RP1: variants seen among roughly 807,000 people sequenced by gnomAD.
RP1 encodes the protein oxygen-regulated protein 1.
Under a neutral mutation model 14.8 loss-of-function variants are expected in RP1, and 16 were observed. That is an observed-to-expected ratio of 1.08 (90% CI 0.73 to 1.65). The LOEUF (loss-of-function observed/expected upper bound fraction) is 1.65, where lower values mean the gene tolerates loss of function less well. RP1 is among the 40% of genes most tolerant of loss of function. RP1 has a pLI of 0.00. For missense variants in RP1, 2,631 were observed against 2,535.0 expected (o/e 1.04, Z -0.81); for synonymous variants, 876 against 883.6 (o/e 0.99, Z 0.15).
intron 19 of RP1, chr8:54,739,090 C>A: frequency 8.3e-7 from 1 of 1,208,864 alleles, no homozygotes; most frequent in Non-Finnish European, 1.2e-6. Flanking sequence ...AGCAAGCTGG[C>A]TATGTAAAGC....
At chr8:54,649,023 C>T (rs1446174971) in exon 4 of RP1, 1 of 1,524,798 alleles carries the variant, frequency 6.6e-7, no homozygotes. Context: ...CAGTGACTTG[C>T]CAGATGCAGG....
Position 54,625,923 on chromosome 8 carries a change from A to G in RP1, c.2041A>G (p.Ile681Val), listed in dbSNP as rs756630298. The G allele has an allele frequency of 9.3e-6, 15 of 1,614,002 alleles. No homozygotes were observed. The highest frequency in any genetic ancestry group is 1.7e-4 in the Middle Eastern group (1 of 6,054). Reference sequence around the variant, plus strand: ...GAAGAAAAAATCTCGACAGCAAGCAATAAATTCCAGGTATCAAGATGGACA... The same window carrying G: ...GAAGAAAAAATCTCGACAGCAAGCAGTAAATTCCAGGTATCAAGATGGACA... ...KKKKKSRQQA[I>V]NSRYQDGQLA... Residue 681 changes from isoleucine (I) to valine (V), a missense_variant, in exon 4 of 4, where the codon ATA becomes GTA. Coordinates refer to ENST00000220676, the MANE Select transcript of RP1 (RefSeq NM_006269.2).
chr8:54,869,813 A>T, intron 28 of RP1: 1 of 987,612 alleles, frequency 1.0e-6, no homozygotes, highest in East Asian at 3.3e-5. Context: ...GCTCTCTCAT[A>T]TTAATTATCT....
At chr8:54,559,743 G>T (rs1804244099) in intron 1 of RP1, among the ~76,000 whole-genome samples, 1 of 152,166 alleles carries the variant, frequency 6.6e-6, no homozygotes, top group Non-Finnish European at 1.5e-5. Flanking sequence ...TTCCGGAGGA[G>T]AGTGGGTCAC....
At chr8:54,845,577 T>C (rs1396683406) in intron 25 of RP1, among the ~76,000 whole-genome samples, 3 of 152,206 alleles carry the variant, frequency 2.0e-5, no homozygotes, top group Non-Finnish European at 2.9e-5. Flanking sequence ...CATTGCCTGA[T>C]ACAGCACTGA....
intron 19 of RP1, among the ~76,000 whole-genome samples, chr8:54,751,322 A>G (rs1245804063): frequency 6.6e-6 from 1 of 152,160 alleles, no homozygotes; most frequent in African/African-American, 2.4e-5. Context: ...TGAAGATGAG[A>G]GGTCCTCTTG....
intron 1 of RP1, among the ~76,000 whole-genome samples, chr8:54,604,498 T>C (rs1805376986): frequency 6.6e-6 from 1 of 152,218 alleles, no homozygotes; most frequent in Non-Finnish European, 1.5e-5. Flanking sequence ...TCTAAAATTC[T>C]CTTTTTTTGT....
At chr8:54,568,377 T>C (rs996506497) in intron 1 of RP1, among the ~76,000 whole-genome samples, 20 of 152,194 alleles carry the variant, frequency 1.3e-4, no homozygotes, top group African/African-American at 4.3e-4. Context: ...AAAATAATGT[T>C]TGTTGAATTG....
At chr8:54,700,955 T>G (rs1227821665) in intron 13 of RP1, among the ~76,000 whole-genome samples, 2 of 152,196 alleles carry the variant, frequency 1.3e-5, no homozygotes, top group Non-Finnish European at 2.9e-5. Context: ...GATCTAGCCA[T>G]TCAAGAGGCA....
chr8:54,603,045 G>T (rs1805331203), intron 1 of RP1, among the ~76,000 whole-genome samples: 2 of 152,146 alleles, frequency 1.3e-5, no homozygotes, highest in African/African-American at 4.8e-5. Context: ...AGTTTAATTA[G>T]ATCCCATTTG....
intron 1 of RP1, among the ~76,000 whole-genome samples, chr8:54,602,106 T>C (rs1805305758): frequency 6.6e-6 from 1 of 152,246 alleles, no homozygotes; most frequent in African/African-American, 2.4e-5. Context: ...TACATATGTA[T>C]ACATGTGCCA....
intron 25 of RP1, among the ~76,000 whole-genome samples, chr8:54,842,950 G>A (rs1811820439): frequency 6.6e-6 from 1 of 152,152 alleles, no homozygotes; most frequent in Admixed American, 6.5e-5. Flanking sequence ...TCTGATCCAA[G>A]GGACGTTTCC....
In RP1 at chr8:54,655,140, A is replaced by C. The variant is rs191646483; in HGVS notation, c.1039-943A>C. On this transcript the variant is annotated intron_variant, in intron 5 of 22. Transcript: ENST00000636932. ...CATTATACTACAAATGAAACATCTG[A>C]ATCCATTACAGAACACATCTGAATT... 4.1e-4 allele frequency among the ~76,000 whole-genome samples: 62 copies of C among 152,336 alleles called. No homozygotes were observed. In the East Asian group the frequency reaches 9.4e-3, roughly 23 times the overall value.
chr8:54,717,329 T>C (rs1466822767), intron 15 of RP1, among the ~76,000 whole-genome samples: 4 of 152,110 alleles, frequency 2.6e-5, no homozygotes, highest in Non-Finnish European at 5.9e-5. Flanking sequence ...GCCAACACAA[T>C]GAGTATTGTT....
chr8:54,600,049 T>G (rs1805238681), intron 1 of RP1, among the ~76,000 whole-genome samples: 1 of 152,072 alleles, frequency 6.6e-6, no homozygotes, highest in Non-Finnish European at 1.5e-5. Flanking sequence ...TTTGATATGG[T>G]TTGGCTGTGT....
intron 1 of RP1, among the ~76,000 whole-genome samples, chr8:54,616,981 T>TA (rs1554518912): frequency 2.6e-5 from 4 of 152,162 alleles, no homozygotes; most frequent in Non-Finnish European, 5.9e-5. Flanking sequence ...CTAAGGGTGT[T>TA]AAAAAATCTG....
rs143731915 is a variant in RP1 at position 54,617,701 on chromosome 8, T to A, written c.-13+1499T>A. Among the ~76,000 whole-genome samples the A allele has an allele frequency of 5.9e-5, 9 of 152,292 alleles. No homozygotes were observed. In the East Asian group the frequency reaches 1.7e-3, roughly 29 times the overall value. ...CCAATCCCTGAGGCTGTATTAGACA[T>A]CCCTCCTTAATATTCTCTTGGTACC... On this transcript the variant is annotated intron_variant, in intron 1 of 3. Coordinates refer to ENST00000220676, the MANE Select transcript of RP1 (RefSeq NM_006269.2).
At chr8:54,659,639 G>A (rs1349024086) in intron 6 of RP1, among the ~76,000 whole-genome samples, 2 of 152,088 alleles carry the variant, frequency 1.3e-5, no homozygotes, top group Admixed American at 6.5e-5. Flanking sequence ...TTTGTCATAT[G>A]TATTAAAATC....
chr8:54,790,431 A>C (rs1810435553), intron 24 of RP1, among the ~76,000 whole-genome samples: 1 of 152,216 alleles, frequency 6.6e-6, no homozygotes, highest in South Asian at 2.1e-4. Context: ...AAGGATCACA[A>C]AGAAGTTGTG....
Sources: allele counts gnomAD v4.1 joint callset (sites outside exome capture counted in the v4.1 genomes callset), GRCh38; gene constraint gnomAD v4.1.1; transcripts MANE v1.5; gene names NCBI Gene and HGNC (gene_info 2026-07-23, HGNC 2026-07-21).